RAB35: variants seen among roughly 807,000 people sequenced by gnomAD.
The protein encoded by RAB35 is RAB35, member RAS oncogene family, also known as ras-related protein Rab-35.
RAB35 carries 4 observed loss-of-function variants against 28.9 expected under a neutral mutation model. The observed-to-expected ratio is 0.14, with a 90% confidence interval of 0.07 to 0.32. The LOEUF is 0.32. RAB35 is among the 10% of genes least tolerant of loss of function. The pLI, the probability that RAB35 is intolerant of heterozygous loss-of-function variation, is 1.00. For synonymous variants in RAB35, 99 were observed against 105.1 expected (o/e 0.94, Z 0.35); for missense variants, 128 against 274.0 (o/e 0.47, Z 3.76).
In RAB35 at chr12:120,103,789, T is replaced by C; in HGVS notation, c.227+37A>G. The C allele has an allele frequency of 6.2e-7, 1 of 1,610,926 alleles. No individual in the cohort carries two copies. The highest frequency in any genetic ancestry group is 2.2e-5 in the East Asian group (1 of 44,848). On this transcript the variant is annotated intron_variant, in intron 3 of 5. Transcript: ENST00000229340. The surrounding 1 kb of genome is among the most constrained non-coding windows in gnomAD (Gnocchi z 6.1). ...TCGCTCAACTGTGTCCACAGGTCAG[T>C]GGCGCGGGTTGGGTGGGAGTGGGCG...
chr12:120,101,177 C>T (rs1470617526), intron 3 of RAB35, among the ~76,000 whole-genome samples: 1 of 152,250 alleles, frequency 6.6e-6, no homozygotes, highest in Non-Finnish European at 1.5e-5. Context: ...ATCACCTTCA[C>T]TCACAGGGAC....
intron 1 of RAB35, among the ~76,000 whole-genome samples, chr12:120,109,395 G>C (rs1876021702): frequency 6.6e-6 from 1 of 152,136 alleles, no homozygotes; most frequent in Non-Finnish European, 1.5e-5. Context: ...GGAGGTTGCA[G>C]TGAGCTGAGA....
At chr12:120,109,009 G>A (rs960824437) in intron 1 of RAB35, among the ~76,000 whole-genome samples, 1 of 152,190 alleles carries the variant, frequency 6.6e-6, no homozygotes, top group Non-Finnish European at 1.5e-5. Flanking sequence ...TGATGTCCCC[G>A]CCGGGTGGGC....
At chr12:120,104,660 G>A (rs192964097) in intron 2 of RAB35, among the ~76,000 whole-genome samples, 1 of 151,988 alleles carries the variant, frequency 6.6e-6, no homozygotes, top group Non-Finnish European at 1.5e-5. Context: ...TTTGGTGGGG[G>A]GGGGACAGCG....
chr12:120,114,179 C>T (rs1271176855), intron 1 of RAB35, among the ~76,000 whole-genome samples: 3 of 152,170 alleles, frequency 2.0e-5, no homozygotes, highest in East Asian at 1.9e-4. Context: ...CTGCAACTTC[C>T]GCCTACCAGG....
At chr12:120,104,510 C>A (rs892741633) in intron 2 of RAB35, among the ~76,000 whole-genome samples, 1 of 152,220 alleles carries the variant, frequency 6.6e-6, no homozygotes, top group African/African-American at 2.4e-5. Context: ...GAGGCCAGAT[C>A]TTGGACCTGT....
Position 120,104,006 on chromosome 12 carries a change from C to T in RAB35, c.104-57G>A, listed in dbSNP as rs1169309631. On this transcript the variant is annotated intron_variant, in intron 2 of 5. Transcript: ENST00000229340. ...CGCGGTATCTTCCCAGGCCCTGAGC[C>T]CCACGCTGCACACAACACACCCCCA... 8 of 1,596,820 alleles carry T rather than the reference C, an allele frequency of 5.0e-6. No homozygotes were observed. In the South Asian group the frequency reaches 9.1e-5, roughly 18 times the overall value.
rs1191869115 is a variant in RAB35, at chr12:120,107,139, C to T, written c.103+1278G>A. Reference sequence around the variant, plus strand: ...CAGTCGCTAGGATTATAGGTATGCACCACCACGCCCAGCTAATTTTTGTAT... The same window carrying T: ...CAGTCGCTAGGATTATAGGTATGCATCACCACGCCCAGCTAATTTTTGTAT... On this transcript the variant is annotated intron_variant, in intron 2 of 5. Coordinates refer to ENST00000229340, the MANE Select transcript of RAB35 (RefSeq NM_006861.7). 2.0e-5 allele frequency among the ~76,000 whole-genome samples: 3 copies of T among 151,934 alleles called. No individual in the cohort carries two copies. The East Asian group carries it at 5.8e-4, about 30-fold the overall frequency.
At chr12:120,097,413 C>A (rs1402250562) in intron 5 of RAB35, 40 bp from the exon 6 acceptor site, 1 of 1,554,776 alleles carries the variant, frequency 6.4e-7, no homozygotes, top group African/African-American at 1.4e-5. Flanking sequence ...TCAGACCTGG[C>A]CAGGAGGCCC....
Position 120,096,190 on chromosome 12 carries a change from A to C in RAB35, c.*1055T>G. 1 of 352,440 alleles carries C rather than the reference A, an allele frequency of 2.8e-6. No individual in the cohort carries two copies. Among genetic ancestry groups the C allele is most frequent in the African/African-American group, 2.1e-5 (1 of 46,674 alleles). The allele number at this position is 352,440 out of a possible 1,614,324, so 21.8% of individuals were successfully genotyped here. The stretch of plus-strand genomic sequence containing the variant: ...GCTGCAGTGTAGACTCCTGACCTCC[A>C]GTGGGAGGCAACTCGGACAAGGGTG... On this transcript the variant is annotated 3_prime_UTR_variant, in exon 6 of 6. Coordinates refer to ENST00000229340, the MANE Select transcript of RAB35 (RefSeq NM_006861.7).
At chr12:120,113,967 G>A (rs950679153) in intron 1 of RAB35, among the ~76,000 whole-genome samples, 1 of 152,222 alleles carries the variant, frequency 6.6e-6, no homozygotes, top group Non-Finnish European at 1.5e-5. Context: ...CATTCATGGA[G>A]GGCCTATTGT....
At chr12:120,109,587 T>G (rs1314996691) in intron 1 of RAB35, among the ~76,000 whole-genome samples, 1 of 151,880 alleles carries the variant, frequency 6.6e-6, no homozygotes, top group East Asian at 1.9e-4. Flanking sequence ...TGGGACCACA[T>G]GTGCATACCA....
At chr12:120,113,774 C>T (rs994115647) in intron 1 of RAB35, among the ~76,000 whole-genome samples, 3 of 150,716 alleles carry the variant, frequency 2.0e-5, no homozygotes, top group African/African-American at 4.9e-5. Context: ...GCCGAGATCG[C>T]GCCACTGCAC....
rs143049784 is a variant in RAB35 at position 120,111,552 on chromosome 12, G to A, written c.53-3085C>T. ...AAAAATTAGCCGGGCGTGGTGGTGC[G>A]TGCCTGTAATCCCAGCTACTCGGGA... is the stretch of plus-strand genomic sequence containing the variant. On this transcript the variant is annotated intron_variant, in intron 1 of 5. Coordinates refer to ENST00000229340, the MANE Select transcript of RAB35 (RefSeq NM_006861.7). Among the ~76,000 whole-genome samples the A allele has an allele frequency of 7.6e-4, 115 of 152,138 alleles. No individual in the cohort carries two copies. The East Asian group carries it at 0.013, about 17-fold the overall frequency.
At chr12:120,100,223 T>A (rs931879295) in intron 3 of RAB35, among the ~76,000 whole-genome samples, 2 of 152,216 alleles carry the variant, frequency 1.3e-5, no homozygotes, top group Non-Finnish European at 2.9e-5. Flanking sequence ...TGCAGCTCCA[T>A]TCCTGTCCAC....
rs545713512 is a variant in RAB35, at chr12:120,096,176, G to T, written c.*1069C>A. ...CCACAGTGCCCGAGGCTGCAGTGTA[G>T]ACTCCTGACCTCCAGTGGGAGGCAA... On this transcript the variant is annotated 3_prime_UTR_variant, in exon 6 of 6. Coordinates refer to ENST00000229340, the MANE Select transcript of RAB35 (RefSeq NM_006861.7). 2.8e-6 allele frequency: 1 copy of T among 352,264 alleles called. No homozygotes were observed. The highest frequency in any genetic ancestry group is 5.5e-6 in the Non-Finnish European group (1 of 182,112). The allele number at this position is 352,264 out of a possible 1,614,324, so 21.8% of individuals were successfully genotyped here. A position where few individuals can be genotyped will look rare whatever the true frequency, so the allele number is the denominator to read the frequency against.
At chr12:120,110,201 T>G (rs1038204388) in intron 1 of RAB35, among the ~76,000 whole-genome samples, 1 of 151,906 alleles carries the variant, frequency 6.6e-6, no homozygotes, top group African/African-American at 2.4e-5. Context: ...TGTTAGATTT[T>G]TAATGAAAAT....
At position 120,116,740 on chromosome 12, in the gene RAB35, T is replaced by C; in HGVS notation, c.-90A>G. The C allele has an allele frequency of 8.4e-7, 1 of 1,195,298 alleles. No individual in the cohort carries two copies. The highest frequency in any genetic ancestry group is 1.0e-6 in the Non-Finnish European group (1 of 963,292). The allele number at this position is 1,195,298 out of a possible 1,614,324, so 74.0% of individuals were successfully genotyped here. On this transcript the variant is annotated 5_prime_UTR_variant, in exon 1 of 6. Transcript: ENST00000229340. ...TTCGGGCTGCTCCGGCAGCGGCGGA[T>C]CCACTTCCCGAACAAACAGCCGGAA...
chr12:120,114,904 G>A (rs1876268079), intron 1 of RAB35, among the ~76,000 whole-genome samples: 1 of 152,138 alleles, frequency 6.6e-6, no homozygotes, highest in Admixed American at 6.5e-5. Context: ...GACCACGGCG[G>A]GCTGTCACTC....
Sources: gnomAD v4.1 joint callset for allele counts (sites outside exome capture counted in the v4.1 genomes callset) on GRCh38, gnomAD v4.1.1 for gene constraint, Gnocchi (gnomAD v3.1) non-coding constraint, MANE v1.5 for transcripts, NCBI Gene and HGNC (gene_info 2026-07-23, HGNC 2026-07-21) for gene names.